Variants in OXSR1 observed in about 807,000 individuals in gnomAD.
OXSR1 encodes oxidative stress responsive kinase 1.
OXSR1 carries 24 observed loss-of-function variants against 79.8 expected under a neutral mutation model. That is an observed-to-expected ratio of 0.30 (90% CI 0.22 to 0.42). The LOEUF (loss-of-function observed/expected upper bound fraction) is 0.42. Among genes scored for constraint, OXSR1 ranks in the 10% least tolerant of loss-of-function variants. The probability of loss-of-function intolerance (pLI) is 1.00; values close to 1 mark genes in which losing one functional copy is unlikely to be tolerated. For missense variants in OXSR1, 430 were observed against 618.4 expected (o/e 0.70, Z 3.23); for synonymous variants, 226 against 209.2 (o/e 1.08, Z -0.69).
chr3:38,175,699 C>G (rs1049883781), intron 1 of OXSR1, among the ~76,000 whole-genome samples: 6 of 152,212 alleles, frequency 3.9e-5, no homozygotes, highest in Admixed American at 2.6e-4. Context: ...TTCTCTGTCT[C>G]AAGAAGTAGA....
At chr3:38,221,147 A>G (rs1049112516) in intron 5 of OXSR1, among the ~76,000 whole-genome samples, 5 of 152,200 alleles carry the variant, frequency 3.3e-5, no homozygotes, top group Non-Finnish European at 7.3e-5. Flanking sequence ...TGTCAAAGTG[A>G]TAATTTAAAA....
intron 10 of OXSR1, among the ~76,000 whole-genome samples, chr3:38,232,320 G>A (rs1169153718): frequency 6.6e-6 from 1 of 152,130 alleles, no homozygotes; most frequent in African/African-American, 2.4e-5. Context: ...TATTCAGGAT[G>A]TTGAGGTGGG....
intron 4 of OXSR1, among the ~76,000 whole-genome samples, chr3:38,206,099 A>T (rs1702259363): frequency 6.6e-6 from 1 of 152,210 alleles, no homozygotes; most frequent in Admixed American, 6.5e-5. Context: ...TATATTTTGT[A>T]TTCTTAAAAT....
chr3:38,193,210 A>G (rs1702014946), intron 3 of OXSR1: 5 of 1,181,324 alleles, frequency 4.2e-6, no homozygotes, highest in Non-Finnish European at 5.6e-6. Context: ...TTAGTCATTA[A>G]TAGTAATAAG....
Position 38,191,289 on chromosome 3 carries a change from C to T in OXSR1, c.292+450C>T, listed in dbSNP as rs538057857. ...TATGTTGCCCAGGTTCATGTCTTAA[C>T]TCCTGTCTTCAAGCGATCCTTCCTA... On this transcript the variant is annotated intron_variant, in intron 3 of 17. Coordinates refer to ENST00000311806, the MANE Select transcript of OXSR1 (RefSeq NM_005109.3). Among the ~76,000 whole-genome samples, 17 of 151,706 alleles carry T rather than the reference C, an allele frequency of 1.1e-4. No homozygotes were observed. In the South Asian group the frequency reaches 2.3e-3, roughly 20 times the overall value.
At position 38,254,420 on chromosome 3, in the gene OXSR1, G is replaced by A. The variant is rs1206918337; in HGVS notation, c.*1529G>A. On this transcript the variant is annotated 3_prime_UTR_variant, in exon 18 of 18. Coordinates refer to ENST00000311806, the MANE Select transcript of OXSR1 (RefSeq NM_005109.3). ...AAGGCATGTTGGGAAAGAGATGGAT[G>A]TTGGGGAGGAAGAGAGGAGATGGAT... is the stretch of plus-strand genomic sequence containing the variant. The A allele has an allele frequency of 1.0e-5, 4 of 391,076 alleles. No homozygotes were observed. Among genetic ancestry groups the A allele is most frequent in the African/African-American group, 8.3e-5 (4 of 48,404 alleles). 24.2% of individuals were successfully genotyped at this position (391,076 alleles called of 1,614,324 possible).
intron 8 of OXSR1, among the ~76,000 whole-genome samples, chr3:38,226,282 C>T (rs1702687448): frequency 6.6e-6 from 1 of 151,452 alleles, no homozygotes; most frequent in Non-Finnish European, 1.5e-5. Flanking sequence ...GATTAGTGCT[C>T]CAGAAGATTT....
Position 38,254,192 on chromosome 3 carries a change from G to A in OXSR1, c.*1301G>A, listed in dbSNP as rs1703314902. ...AAAGATACACAAAGATGGGCTGTGGGTCCCTGGAAAGGGGGAGAGTTGCCC... is the reference window on the plus strand; with the variant it reads ...AAAGATACACAAAGATGGGCTGTGGATCCCTGGAAAGGGGGAGAGTTGCCC... On this transcript the variant is annotated 3_prime_UTR_variant, in exon 18 of 18. Transcript: ENST00000311806. 2 of 398,736 alleles carry A rather than the reference G, an allele frequency of 5.0e-6. No homozygotes were observed. Among genetic ancestry groups the A allele is most frequent in the Non-Finnish European group, 4.4e-6 (1 of 225,938 alleles). 24.7% of individuals were successfully genotyped at this position (398,736 alleles called of 1,614,324 possible).
chr3:38,218,890 G>T (rs555042651), intron 5 of OXSR1, among the ~76,000 whole-genome samples: 2 of 152,072 alleles, frequency 1.3e-5, no homozygotes, highest in Non-Finnish European at 2.9e-5. Flanking sequence ...TTGCACAAAG[G>T]GGGGGACCTT....
At chr3:38,184,954 G>GTT (rs1559503629) in intron 2 of OXSR1, among the ~76,000 whole-genome samples, 14 of 96,256 alleles carry the variant, frequency 1.5e-4, no homozygotes, top group South Asian at 3.8e-4. Flanking sequence ...TTTTTTTTGG[G>GTT]TTTCTTTGAG....
chr3:38,224,758 C>G, intron 8 of OXSR1, 54 bp downstream of exon 8: 1 of 1,236,820 alleles, frequency 8.1e-7, no homozygotes, highest in Admixed American at 2.6e-5. Context: ...TGTGAGAAGT[C>G]TAAGAATCAC....
chr3:38,237,207 A>T (rs1239434467), intron 11 of OXSR1, among the ~76,000 whole-genome samples: 4 of 152,226 alleles, frequency 2.6e-5, no homozygotes, highest in Admixed American at 2.6e-4. Context: ...AATGTCTGAG[A>T]TGCAAAATAC....
At chr3:38,251,512 G>A in intron 16 of OXSR1, 41 bp downstream of exon 16, 1 of 1,468,208 alleles carries the variant, frequency 6.8e-7, no homozygotes, top group African/African-American at 1.4e-5. Context: ...CTGTGTCTCT[G>A]TCTGTATACT....
chr3:38,179,378 G>A (rs1037497169), intron 1 of OXSR1, among the ~76,000 whole-genome samples: 2 of 152,030 alleles, frequency 1.3e-5, no homozygotes, highest in Non-Finnish European at 2.9e-5. Context: ...TGTTGCCCAT[G>A]CGGGTCTCGA....
At chr3:38,231,096 C>G (rs1298380306) in intron 10 of OXSR1, among the ~76,000 whole-genome samples, 1 of 152,090 alleles carries the variant, frequency 6.6e-6, no homozygotes, top group East Asian at 1.9e-4. Flanking sequence ...TAGGCCTGTC[C>G]AAGAAGTTAG....
Position 38,165,731 on chromosome 3 carries a change from G to T in OXSR1, c.-146G>T. 1 of 675,524 alleles carries T rather than the reference G, an allele frequency of 1.5e-6. No homozygotes were observed. Among genetic ancestry groups the T allele is most frequent in the Non-Finnish European group, 2.4e-6 (1 of 413,156 alleles). The allele number at this position is 675,524 out of a possible 1,614,324, so 41.8% of individuals were successfully genotyped here. ...CTGCCGCGCGGTGACCCCGCGCCCC[G>T]GCGCCGTCCGACCCGTGGCTGTTCC... is the stretch of plus-strand genomic sequence containing the variant. On this transcript the variant is annotated 5_prime_UTR_variant, in exon 1 of 18. Transcript: ENST00000311806.
At chr3:38,229,806 CT>C in intron 9 of OXSR1, 71 bp downstream of exon 9, 1 of 1,157,052 alleles carries the variant, frequency 8.6e-7, no homozygotes, top group Non-Finnish European at 1.3e-6. Flanking sequence ...ATGTTCAGTG[CT>C]TAGAAGTTGG....
intron 1 of OXSR1, among the ~76,000 whole-genome samples, chr3:38,181,845 G>A (rs1379733607): frequency 2.3e-5 from 3 of 132,988 alleles, no homozygotes; most frequent in Non-Finnish European, 4.8e-5. Context: ...TTTTTTTATT[G>A]TACCTTGGAC....
chr3:38,189,740 A>C (rs1701948837), intron 2 of OXSR1, among the ~76,000 whole-genome samples: 1 of 152,224 alleles, frequency 6.6e-6, no homozygotes, highest in African/African-American at 2.4e-5. Flanking sequence ...TGCTAAGAAC[A>C]GTTTTAGTTC....
Sources: allele counts gnomAD v4.1 joint callset (sites outside exome capture counted in the v4.1 genomes callset), GRCh38; gene constraint gnomAD v4.1.1; transcripts MANE v1.5; gene names NCBI Gene and HGNC (gene_info 2026-07-23, HGNC 2026-07-21).